The following ZBTB25 variants were observed in gnomAD, a reference collection of about 807,000 sequenced individuals.
The protein encoded by ZBTB25 is zinc finger and BTB domain containing 25.
Under a neutral mutation model 34.2 loss-of-function variants are expected in ZBTB25, and 20 were observed. That is an observed-to-expected ratio of 0.58 (90% CI 0.41 to 0.85). The LOEUF (loss-of-function observed/expected upper bound fraction) is 0.85. Ranked by LOEUF, ZBTB25 falls within the 40% of genes least tolerant of loss-of-function variation. The pLI, the probability that ZBTB25 is intolerant of heterozygous loss-of-function variation, is 0.00. For synonymous variants in ZBTB25, 175 were observed against 186.4 expected, an observed-to-expected ratio of 0.94 and a Z score of 0.50; for missense variants, 437 against 521.8, an observed-to-expected ratio of 0.84 and a Z score of 1.58.
chr14:64,500,767 T>G (rs778813872), intron 1 of ZBTB25, among the ~76,000 whole-genome samples: 1 of 150,536 alleles, frequency 6.6e-6, no homozygotes, highest in African/African-American at 2.5e-5. Flanking sequence ...AAAGAAAACA[T>G]GGACCAGGCA....
Position 64,485,666 on chromosome 14 carries a change from A to G in ZBTB25, c.*1257T>C. On this transcript the variant is annotated 3_prime_UTR_variant, in exon 3 of 3. Coordinates refer to ENST00000608382, the MANE Select transcript of ZBTB25 (RefSeq NM_006977.5). ...ACTTTGCTGGTTTTATGGATCAGGA[A>G]AAAAGTGAAAACTGTGCCACTGAAA... 2 of 985,404 alleles carry G rather than the reference A, an allele frequency of 2.0e-6. No individual in the cohort carries two copies. The highest frequency in any genetic ancestry group is 9.4e-5 in the South Asian group (2 of 21,284). The allele number at this position is 985,404 out of a possible 1,614,324, so 61.0% of individuals were successfully genotyped here.
chr14:64,456,725 T>C (rs916725947), intron 2 of ZBTB25, among the ~76,000 whole-genome samples: 2 of 152,204 alleles, frequency 1.3e-5, no homozygotes, highest in Non-Finnish European at 2.9e-5. Flanking sequence ...TTACACAATA[T>C]AAGAATATAA....
intron 1 of ZBTB25, among the ~76,000 whole-genome samples, chr14:64,491,947 T>C (rs1241086401): frequency 6.6e-6 from 1 of 151,980 alleles, no homozygotes; most frequent in Non-Finnish European, 1.5e-5. Context: ...TAACATTTTA[T>C]AGTGCTTCCT....
At chr14:64,499,824 T>C (rs957350890) in intron 1 of ZBTB25, among the ~76,000 whole-genome samples, 2 of 152,210 alleles carry the variant, frequency 1.3e-5, no homozygotes, top group Non-Finnish European at 2.9e-5. Flanking sequence ...CTTATTAAGA[T>C]CTACTGAGAA....
In ZBTB25 at chr14:64,478,727, A is replaced by C. The variant is rs1015427304; in HGVS notation, c.*8196T>G. The C allele has an allele frequency of 6.6e-6, 1 of 152,266 alleles. No homozygotes were observed. Among genetic ancestry groups the C allele is most frequent in the Non-Finnish European group, 1.5e-5 (1 of 68,050 alleles). The allele number at this position is 152,266 out of a possible 1,614,324, so 9.4% of individuals were successfully genotyped here. On this transcript the variant is annotated 3_prime_UTR_variant, in exon 3 of 3. Coordinates refer to ENST00000608382, the MANE Select transcript of ZBTB25 (RefSeq NM_006977.5). ...TGTCAAGATATTGCAGTACCTTATG[A>C]AATTTTAAGAAAATTCTCATTAGTC...
At chr14:64,469,736 T>C in intron 2 of ZBTB25, 2 of 1,242,212 alleles carry the variant, frequency 1.6e-6, no homozygotes, top group South Asian at 3.2e-5. Context: ...CTTTTATACA[T>C]TTGTGGCATT....
rs1259294387 is a variant in ZBTB25, at chr14:64,482,671, C to A, written c.*4252G>T. 6.6e-6 allele frequency: 1 copy of A among 152,092 alleles called. No individual in the cohort carries two copies. The highest frequency in any genetic ancestry group is 1.5e-5 in the Non-Finnish European group (1 of 68,018). The allele number at this position is 152,092 out of a possible 1,614,324, so 9.4% of individuals were successfully genotyped here. A position where few individuals can be genotyped will look rare whatever the true frequency, so the allele number is the denominator to read the frequency against. The stretch of plus-strand genomic sequence containing the variant: ...AGGAATTCTAGCAACAGTATTGTTT[C>A]TAGTTATTTGTAAAAAATAACAATG... On this transcript the variant is annotated 3_prime_UTR_variant, in exon 3 of 3. Transcript: ENST00000608382.
In ZBTB25 at chr14:64,478,900, A is replaced by C. The variant is rs2141011736; in HGVS notation, c.*8023T>G. 1 of 152,320 alleles carries C rather than the reference A, an allele frequency of 6.6e-6. No individual in the cohort carries two copies. The highest frequency in any genetic ancestry group is 2.4e-5 in the African/African-American group (1 of 41,570). The allele number at this position is 152,320 out of a possible 1,614,324, so 9.4% of individuals were successfully genotyped here. ...CAGATTAAAAATTCACAGAAATTAT[A>C]ACCTACAATCTCAATTTCATGAAGA... is the stretch of plus-strand genomic sequence containing the variant. On this transcript the variant is annotated 3_prime_UTR_variant, in exon 3 of 3. Coordinates refer to ENST00000608382, the MANE Select transcript of ZBTB25 (RefSeq NM_006977.5).
In ZBTB25 at chr14:64,468,812, A is replaced by C. The variant is rs147920282; in HGVS notation, c.174-19174T>G. On this transcript the variant is annotated intron_variant, in intron 2 of 2. Transcript: ENST00000555220. ...ATTCCCAAGAGGGCCAAAAAGGAGT[A>C]ATCATTCCAAAATTATAGAAGACTC... is the stretch of plus-strand genomic sequence containing the variant. 1.9e-6 allele frequency: 3 copies of C among 1,614,106 alleles called. No individual in the cohort carries two copies. The African/African-American group carries it at 4.0e-5, about 22-fold the overall frequency.
At chr14:64,469,035 T>G in intron 2 of ZBTB25, 1 of 1,614,200 alleles carries the variant, frequency 6.2e-7, no homozygotes, top group South Asian at 1.1e-5. Flanking sequence ...TCAGTAGAAC[T>G]TGGATTAGAT....
At chr14:64,492,766 A>C (rs2079129113) in intron 1 of ZBTB25, among the ~76,000 whole-genome samples, 1 of 152,188 alleles carries the variant, frequency 6.6e-6, no homozygotes, top group African/African-American at 2.4e-5. Flanking sequence ...TAAATTCTTC[A>C]CTTATTCAAC....
chr14:64,492,725 A>C (rs1160520824), intron 1 of ZBTB25, among the ~76,000 whole-genome samples: 2 of 152,208 alleles, frequency 1.3e-5, no homozygotes, highest in African/African-American at 2.4e-5. Flanking sequence ...CCATACAGGA[A>C]TCTTATGGTT....
At chr14:64,458,150 G>A in intron 2 of ZBTB25, 1 of 1,296,034 alleles carries the variant, frequency 7.7e-7, no homozygotes, top group Non-Finnish European at 1.1e-6. Context: ...CCTCAGCCTG[G>A]GATTATAGGC....
rs1024886923 is a variant in ZBTB25, at chr14:64,503,723, G to A, written c.-70C>T. Reference sequence around the variant, plus strand: ...CAGGAGGGGCGGGCTCCCAAGCCGCGCACTGCAAGCAGTGGCGCCGGCTCA... The same window carrying A: ...CAGGAGGGGCGGGCTCCCAAGCCGCACACTGCAAGCAGTGGCGCCGGCTCA... On this transcript the variant is annotated 5_prime_UTR_variant, in exon 1 of 3. Transcript: ENST00000608382. The A allele has an allele frequency of 3.6e-6, 2 of 562,736 alleles. No individual in the cohort carries two copies. Among genetic ancestry groups the A allele is most frequent in the African/African-American group, 4.1e-5 (2 of 49,114 alleles). The allele number at this position is 562,736 out of a possible 1,614,324, so 34.9% of individuals were successfully genotyped here.
chr14:64,485,096 T>A lies in ZBTB25; in HGVS notation c.*1827A>T, dbSNP rs933280601. 101 of 985,358 alleles carry A rather than the reference T, an allele frequency of 1.0e-4. No individual in the cohort carries two copies. Among genetic ancestry groups the A allele is most frequent in the Admixed American group, 1.2e-4 (2 of 16,266 alleles). The allele number at this position is 985,358 out of a possible 1,614,324, so 61.0% of individuals were successfully genotyped here. ...ACTGCCTTACACAATATCCAGTAGC[T>A]TTCTTCATTCAATCCTCAAGAAAAA... On this transcript the variant is annotated 3_prime_UTR_variant, in exon 3 of 3. Transcript: ENST00000608382.
In ZBTB25 at chr14:64,487,056, A is replaced by T; in HGVS notation, c.1175T>A (p.Phe392Tyr). The T allele has an allele frequency of 6.2e-7, 1 of 1,614,194 alleles. No homozygotes were observed. The highest frequency in any genetic ancestry group is 8.5e-7 in the Non-Finnish European group (1 of 1,180,026). Residue 392 changes from phenylalanine to tyrosine, a missense_variant, in exon 3 of 3, where the codon TTT becomes TAT. Coordinates refer to ENST00000608382, the MANE Select transcript of ZBTB25 (RefSeq NM_006977.5). ...AGACCAGCTGTCACAGTATGGCTGA[A>T]ATCTCTGGGCCAATGCATTACCAAA... is the stretch of plus-strand genomic sequence containing the variant. ...QRFGNALAQR[F>Y]QPYCDSWSDV...
chr14:64,488,225 C>G (rs2078950146), intron 2 of ZBTB25, among the ~76,000 whole-genome samples, 168 bp from the exon 3 acceptor site: 1 of 152,182 alleles, frequency 6.6e-6, no homozygotes, highest in East Asian at 1.9e-4. Flanking sequence ...TTTATACCAA[C>G]TTTATGGCCT....
chr14:64,493,913 A>G (rs11851236), intron 1 of ZBTB25, among the ~76,000 whole-genome samples: 46,416 of 151,846 alleles, frequency 0.31, 7,201 homozygotes, highest in Non-Finnish European at 0.34. Flanking sequence ...AGTGTCTACC[A>G]GGTATCTAAG....
Position 64,484,974 on chromosome 14 carries a change from TC to T in ZBTB25, c.*1948del, listed in dbSNP as rs2078842588. 3 of 982,128 alleles carry T rather than the reference TC, an allele frequency of 3.1e-6. No homozygotes were observed. In the South Asian group the frequency reaches 1.4e-4, roughly 46 times the overall value. 60.8% of individuals were successfully genotyped at this position (982,128 alleles called of 1,614,324 possible). ...AAGAACATACATTTGTTTTAATTAC[TC>T]CCAATACAATTGATCTTATCAAGTT... On this transcript the variant is annotated 3_prime_UTR_variant, in exon 3 of 3. Coordinates refer to ENST00000608382, the MANE Select transcript of ZBTB25 (RefSeq NM_006977.5).
Sources: allele counts gnomAD v4.1 joint callset (sites outside exome capture counted in the v4.1 genomes callset), GRCh38; gene constraint gnomAD v4.1.1; transcripts MANE v1.5; gene names NCBI Gene and HGNC (gene_info 2026-07-23, HGNC 2026-07-21).